TBC1D15: variants seen among roughly 807,000 people sequenced by gnomAD.
The protein encoded by TBC1D15 is GAP for RAB7.
TBC1D15 carries 39 observed loss-of-function variants against 95.4 expected under a neutral mutation model. The ratio of observed to expected loss-of-function variants is 0.41; its 90% CI spans 0.32 to 0.53. TBC1D15 has a LOEUF of 0.53. Among genes scored for constraint, TBC1D15 ranks in the 20% least tolerant of loss-of-function variants. TBC1D15 has a pLI of 0.29. For synonymous variants in TBC1D15, 258 were observed against 261.3 expected (o/e 0.99, Z 0.12); for missense variants, 733 against 794.3 (o/e 0.92, Z 0.93).
At chr12:71,841,966 G>A (rs1245835692) in intron 1 of TBC1D15, among the ~76,000 whole-genome samples, 3 of 152,166 alleles carry the variant, frequency 2.0e-5, no homozygotes. Flanking sequence ...AAATGTGTGT[G>A]TGTGTTTATT....
chr12:71,923,489 G>A lies in TBC1D15; in HGVS notation c.*285G>A, dbSNP rs1386526247. The A allele has an allele frequency of 3.3e-6, 1 of 303,236 alleles. No homozygotes were observed. Among genetic ancestry groups the A allele is most frequent in the African/African-American group, 2.2e-5 (1 of 46,442 alleles). The allele number at this position is 303,236 out of a possible 1,614,324, so 18.8% of individuals were successfully genotyped here. A position where few individuals can be genotyped will look rare whatever the true frequency, so the allele number is the denominator to read the frequency against. On this transcript the variant is annotated 3_prime_UTR_variant, in exon 17 of 17. Transcript: ENST00000485960. ...CTGGAATTGGATAAATATTGCAAGT[G>A]GATGAGTTGGAAATTATGCACTTTG... is the stretch of plus-strand genomic sequence containing the variant.
At chr12:71,893,367 T>C in intron 6 of TBC1D15, 43 bp downstream of exon 6, 2 of 1,410,748 alleles carry the variant, frequency 1.4e-6, no homozygotes, top group Non-Finnish European at 9.9e-7. Context: ...GACTGCATTA[T>C]TTTATATACC....
chr12:71,917,155 G>C (rs4760812), intron 12 of TBC1D15, among the ~76,000 whole-genome samples: 50,442 of 151,892 alleles, frequency 0.33, 10,051 homozygotes, highest in African/African-American at 0.56. Context: ...CAGTCTTTTG[G>C]AGTATCACAC....
chr12:71,850,341 T>C, intron 1 of TBC1D15: 1 of 375,344 alleles, frequency 2.7e-6, no homozygotes, highest in Non-Finnish European at 5.1e-6. Flanking sequence ...TCTAAACCAG[T>C]GCATTTCACC....
chr12:71,890,481 G>A (rs1308118805), intron 5 of TBC1D15, among the ~76,000 whole-genome samples: 1 of 152,104 alleles, frequency 6.6e-6, no homozygotes, highest in Non-Finnish European at 1.5e-5. Context: ...AATGTGGCTT[G>A]CATTTGTGGC....
intron 15 of TBC1D15, among the ~76,000 whole-genome samples, chr12:71,921,063 G>A (rs7969975): frequency 0.028 from 4,186 of 152,186 alleles, 196 homozygotes; most frequent in African/African-American, 0.094. Context: ...AATTCAACAA[G>A]TGCTCTTTTA....
intron 1 of TBC1D15, among the ~76,000 whole-genome samples, chr12:71,861,703 T>C (rs1382104700): frequency 6.6e-6 from 1 of 152,026 alleles, no homozygotes; most frequent in African/African-American, 2.4e-5. Flanking sequence ...TTTTGATCTT[T>C]ATTGTTTCTT....
At chr12:71,911,015 C>T (rs867213654) in intron 11 of TBC1D15, among the ~76,000 whole-genome samples, 107 of 152,102 alleles carry the variant, frequency 7.0e-4, no homozygotes, top group South Asian at 2.7e-3. Flanking sequence ...AAAAAACACA[C>T]GAAAAAATGC....
At chr12:71,913,989 T>A in intron 12 of TBC1D15, 63 bp downstream of exon 12, 1 of 1,232,712 alleles carries the variant, frequency 8.1e-7, no homozygotes, top group Non-Finnish European at 1.1e-6. Context: ...AATTTTATAG[T>A]ATAAGGTTGA....
At chr12:71,921,116 CTT>C (rs1366115669) in intron 15 of TBC1D15, among the ~76,000 whole-genome samples, 2 of 152,114 alleles carry the variant, frequency 1.3e-5, no homozygotes. Context: ...TTGATTATAA[CTT>C]TGAGATATCA....
chr12:71,884,093 A>G, intron 4 of TBC1D15, among the ~76,000 whole-genome samples: 1 of 152,266 alleles, frequency 6.6e-6, no homozygotes, highest in South Asian at 2.1e-4. Context: ...AGCATTCACA[A>G]CTTTTTATCT....
At chr12:71,907,176 T>C in intron 11 of TBC1D15, 38 bp downstream of exon 11, 1 of 1,251,796 alleles carries the variant, frequency 8.0e-7, no homozygotes, top group Non-Finnish European at 1.1e-6. Flanking sequence ...AAGATGTAAA[T>C]ATATTTACTT....
chr12:71,880,372 T>C, intron 3 of TBC1D15, 97 bp from the exon 4 acceptor site: 1 of 1,029,992 alleles, frequency 9.7e-7, no homozygotes, highest in Non-Finnish European at 1.4e-6. Flanking sequence ...AGTGATGTCG[T>C]CTGCAGCCTG....
intron 5 of TBC1D15, among the ~76,000 whole-genome samples, chr12:71,886,656 C>G (rs545979637): frequency 1.3e-5 from 2 of 152,294 alleles, no homozygotes; most frequent in South Asian, 4.1e-4. Context: ...CTCTAGCTGG[C>G]AACAGGCAAG....
At chr12:71,853,284 C>G (rs2137978127) in intron 1 of TBC1D15, among the ~76,000 whole-genome samples, 1 of 152,212 alleles carries the variant, frequency 6.6e-6, no homozygotes, top group Middle Eastern at 3.4e-3. Flanking sequence ...ATGACAGCAC[C>G]AAGGGAGATG....
At chr12:71,880,949 A>C (rs1211732193) in intron 4 of TBC1D15, among the ~76,000 whole-genome samples, 1 of 152,204 alleles carries the variant, frequency 6.6e-6, no homozygotes, top group Non-Finnish European at 1.5e-5. Flanking sequence ...ACAGAGGGAG[A>C]TGGAGTATAC....
chr12:71,874,014 C>G (rs1253272751), intron 3 of TBC1D15, among the ~76,000 whole-genome samples: 1 of 152,168 alleles, frequency 6.6e-6, no homozygotes, highest in East Asian at 1.9e-4. Context: ...TCCATTTGTT[C>G]ATGTCTATCT....
intron 10 of TBC1D15, among the ~76,000 whole-genome samples, chr12:71,903,737 A>G (rs1023801773): frequency 6.6e-6 from 1 of 152,146 alleles, no homozygotes; most frequent in Non-Finnish European, 1.5e-5. Flanking sequence ...TGGAGGCCAT[A>G]CTCCTAAGTG....
At position 71,880,501 on chromosome 12, in the gene TBC1D15, C is replaced by G; in HGVS notation, c.237C>G (p.Ala79=). 6.2e-7 allele frequency: 1 copy of G among 1,608,350 alleles called. No individual in the cohort carries two copies. The highest frequency in any genetic ancestry group is 8.5e-7 in the Non-Finnish European group (1 of 1,176,742). Residue 79 remains alanine (A), a synonymous_variant, in exon 4 of 17, where the codon GCC becomes GCG. Coordinates refer to ENST00000485960, the MANE Select transcript of TBC1D15 (RefSeq NM_001146213.3). ...DSSSVVEWTQ[A]PKERGHRGSE... The stretch of plus-strand genomic sequence containing the variant: ...GTTCAGTTGTAGAATGGACTCAGGC[C>G]CCAAAAGAAAGAGGTCATCGAGGAT...
Sources: allele counts gnomAD v4.1 joint callset (sites outside exome capture counted in the v4.1 genomes callset), GRCh38; gene constraint gnomAD v4.1.1; transcripts MANE v1.5; gene names NCBI Gene and HGNC (gene_info 2026-07-23, HGNC 2026-07-21).